Variants in KIAA1328 observed in about 807,000 individuals in gnomAD.
KIAA1328 encodes KIAA1328.
A neutral mutation model predicts 68.1 loss-of-function variants in KIAA1328; 52 were observed. The ratio of observed to expected loss-of-function variants is 0.76; its 90% CI spans 0.61 to 0.96. The LOEUF (loss-of-function observed/expected upper bound fraction) is 0.96. Among genes scored for constraint, KIAA1328 ranks in the 40% least tolerant of loss-of-function variants. The probability of loss-of-function intolerance (pLI) is 0.00; values close to 1 mark genes in which losing one functional copy is unlikely to be tolerated. For missense variants in KIAA1328, 641 were observed against 677.6 expected (o/e 0.95, Z 0.60); for synonymous variants, 232 against 239.4 (o/e 0.97, Z 0.28).
At position 37,087,204 on chromosome 18, in the gene KIAA1328, G is replaced by T. The variant is rs929622782; in HGVS notation, c.1232+19659G>T. 1.1e-4 allele frequency among the ~76,000 whole-genome samples: 17 copies of T among 151,288 alleles called. 1 individual carries two copies. Among genetic ancestry groups the T allele is most frequent in the Admixed American group, 1.1e-3 (17 of 15,220 alleles). On this transcript the variant is annotated intron_variant, in intron 7 of 9. Transcript: ENST00000280020. ...CTCCCAGGTAGCTAGGACTGCAGGTGCATGCCACTATACCCAACCAATTTT... is the reference window on the plus strand; with the variant it reads ...CTCCCAGGTAGCTAGGACTGCAGGTTCATGCCACTATACCCAACCAATTTT...
intron 7 of KIAA1328, among the ~76,000 whole-genome samples, chr18:37,110,486 C>G (rs1238578852): frequency 6.6e-6 from 1 of 152,130 alleles, no homozygotes; most frequent in Non-Finnish European, 1.5e-5. Flanking sequence ...CAGAAATTCC[C>G]TCTGAAAGGA....
chr18:37,002,742 A>G (rs2053637219), intron 6 of KIAA1328, among the ~76,000 whole-genome samples: 1 of 152,164 alleles, frequency 6.6e-6, no homozygotes, highest in South Asian at 2.1e-4. Context: ...GGAAGAATTA[A>G]TGTCATTAAG....
chr18:36,953,378 A>C (rs1335079612), intron 5 of KIAA1328, among the ~76,000 whole-genome samples: 3 of 1,046 alleles, frequency 2.9e-3, no homozygotes, highest in Non-Finnish European at 4.8e-3. Context: ...ACAACTATAG[A>C]TAGATAGATA....
Position 36,864,525 on chromosome 18 carries a change from GT to G in KIAA1328, c.332+20228del, listed in dbSNP as rs1429433920. ...ACTGTGTTAGCCAGGAGTTATAATTGTTTTTATGTGTTGTAGGATTTGATTT... is the reference window on the plus strand; with the variant it reads ...ACTGTGTTAGCCAGGAGTTATAATTGTTTTATGTGTTGTAGGATTTGATTT... On this transcript the variant is annotated intron_variant, in intron 4 of 9. Transcript: ENST00000280020. 4.7e-5 allele frequency among the ~76,000 whole-genome samples: 7 copies of G among 147,606 alleles called. No individual in the cohort carries two copies. The South Asian group carries it at 1.5e-3, about 31-fold the overall frequency.
chr18:37,033,661 T>C (rs907463410), intron 6 of KIAA1328, among the ~76,000 whole-genome samples: 1 of 152,222 alleles, frequency 6.6e-6, no homozygotes, highest in African/African-American at 2.4e-5. Flanking sequence ...TGTGCAGTCT[T>C]AGCAAAACTC....
At position 37,087,617 on chromosome 18, in the gene KIAA1328, T is replaced by C. The variant is rs544443277; in HGVS notation, c.1232+20072T>C. Among the ~76,000 whole-genome samples the C allele has an allele frequency of 1.9e-4, 29 of 152,300 alleles. No homozygotes were observed. The South Asian group carries it at 6.0e-3, about 32-fold the overall frequency. On this transcript the variant is annotated intron_variant, in intron 7 of 9. Coordinates refer to ENST00000280020, the MANE Select transcript of KIAA1328 (RefSeq NM_020776.3). Reference sequence around the variant, plus strand: ...AATCTGTGAAAAGCTCTCAGTATATTATGAACAGAGCTTGTCAGCTAATGG... The same window carrying C: ...AATCTGTGAAAAGCTCTCAGTATATCATGAACAGAGCTTGTCAGCTAATGG...
intron 9 of KIAA1328, among the ~76,000 whole-genome samples, chr18:37,185,083 G>A (rs1039167115): frequency 7.2e-5 from 11 of 151,756 alleles, no homozygotes; most frequent in Admixed American, 5.9e-4. Flanking sequence ...GGAGAATGGC[G>A]TGAACCTGGG....
chr18:37,002,228 C>CTTTTTTTTTTTTTTTTTTTTTTTTTTTTT (rs145948250), intron 6 of KIAA1328, among the ~76,000 whole-genome samples: 1 of 95,164 alleles, frequency 1.1e-5, no homozygotes, highest in Non-Finnish European at 2.1e-5. Context: ...ATTTTTTTTT[C>CTTTTTTTTTTTTTTTTTTTTTTTTTTTTT]TTTTTTTTTT....
At chr18:37,022,980 A>G (rs1367409003) in intron 6 of KIAA1328, among the ~76,000 whole-genome samples, 2 of 152,168 alleles carry the variant, frequency 1.3e-5, no homozygotes, top group African/African-American at 4.8e-5. Flanking sequence ...CAGTCACTGA[A>G]TACCACTGCT....
intron 4 of KIAA1328, among the ~76,000 whole-genome samples, chr18:36,845,821 T>C (rs911153863): frequency 6.6e-6 from 1 of 151,768 alleles, no homozygotes; most frequent in Non-Finnish European, 1.5e-5. Context: ...GGTAATTCTG[T>C]AGGAAGTCTT....
chr18:37,194,529 A>G (rs1160190835), intron 9 of KIAA1328, among the ~76,000 whole-genome samples: 2 of 152,196 alleles, frequency 1.3e-5, no homozygotes, highest in Non-Finnish European at 2.9e-5. Flanking sequence ...TAGGTTGTGT[A>G]GCATTTTTTC....
intron 6 of KIAA1328, among the ~76,000 whole-genome samples, chr18:37,044,965 G>A (rs1330987063): frequency 1.3e-5 from 2 of 152,240 alleles, no homozygotes; most frequent in Admixed American, 1.3e-4. Flanking sequence ...AAGTGGGTAT[G>A]ATAAGAGTTG....
chr18:37,116,155 A>C (rs1212728447), intron 7 of KIAA1328, among the ~76,000 whole-genome samples: 3 of 151,568 alleles, frequency 2.0e-5, no homozygotes, highest in African/African-American at 4.9e-5. Flanking sequence ...AATTGGAAAA[A>C]ACTACTTTAA....
At chr18:37,213,245 C>T (rs867163723) in intron 9 of KIAA1328, among the ~76,000 whole-genome samples, 1 of 152,122 alleles carries the variant, frequency 6.6e-6, no homozygotes, top group Non-Finnish European at 1.5e-5. Context: ...GTTTGCTGCA[C>T]CCATTAACTC....
intron 6 of KIAA1328, among the ~76,000 whole-genome samples, chr18:36,980,976 C>T (rs181822521): frequency 2.7e-4 from 41 of 152,194 alleles, no homozygotes; most frequent in African/African-American, 8.2e-4. Flanking sequence ...GCCCAGTCTT[C>T]GGTATGTCTT....
intron 5 of KIAA1328, among the ~76,000 whole-genome samples, chr18:36,950,309 G>T (rs928036414): frequency 2.5e-4 from 38 of 152,176 alleles, no homozygotes; most frequent in African/African-American, 8.2e-4. Context: ...TGGTTTAAAG[G>T]CCACATTGTC....
intron 7 of KIAA1328, chr18:37,084,269 G>A (rs2057033445): frequency 8.1e-7 from 1 of 1,229,076 alleles, no homozygotes; most frequent in Non-Finnish European, 1.1e-6. Flanking sequence ...AGAATCTTAA[G>A]GGCATAAATA....
chr18:37,030,176 C>T (rs1410396098), intron 6 of KIAA1328, among the ~76,000 whole-genome samples: 1 of 151,502 alleles, frequency 6.6e-6, no homozygotes, highest in Non-Finnish European at 1.5e-5. Context: ...TCATTTGTTT[C>T]TGCCCTTATG....
At chr18:37,203,469 C>T (rs1045686392) in intron 9 of KIAA1328, among the ~76,000 whole-genome samples, 4 of 152,164 alleles carry the variant, frequency 2.6e-5, no homozygotes, top group African/African-American at 9.7e-5. Context: ...AAAAACACAT[C>T]TGACTTTTCT....
Sources: gnomAD v4.1 joint callset for allele counts (sites outside exome capture counted in the v4.1 genomes callset) on GRCh38, gnomAD v4.1.1 for gene constraint, MANE v1.5 for transcripts, NCBI Gene and HGNC (gene_info 2026-07-23, HGNC 2026-07-21) for gene names.